Variants in ADAM22 observed in about 807,000 individuals in gnomAD.
ADAM22 encodes the protein disintegrin and metalloproteinase domain-containing protein 22.
In ADAM22, 65 loss-of-function variants were observed where a neutral mutation model predicts 144.6. That is an observed-to-expected ratio of 0.45 (90% confidence interval 0.37 to 0.55). ADAM22 has a LOEUF of 0.55. Among genes scored for constraint, ADAM22 ranks in the 20% least tolerant of loss-of-function variants. The probability of loss-of-function intolerance (pLI) is 0.00; values close to 1 mark genes in which losing one functional copy is unlikely to be tolerated. For missense variants in ADAM22, 974 were observed against 1,184.9 expected (o/e 0.82, Z 2.61); for synonymous variants, 391 against 412.6 (o/e 0.95, Z 0.63).
chr7:88,186,652 G>C lies in ADAM22; in HGVS notation c.2701G>C (p.Ala901Pro). 6.2e-7 allele frequency: 1 copy of C among 1,612,672 alleles called. No homozygotes were observed. The highest frequency in any genetic ancestry group is 8.5e-7 in the Non-Finnish European group (1 of 1,178,748). Residue 901 changes from alanine (A) to proline (P), a missense_variant, in exon 30 of 32, where the codon GCT becomes CCT. By Grantham distance (27) the Ala-to-Pro change is conservative. This residue lies in a region of ADAM22 where 734 missense variants were observed against 950.6 expected (regional missense o/e 0.77). Transcript: ENST00000413139. ...NPWFKRDYNVAKWVEDVNKNT... is the reference protein window; with the variant it reads ...NPWFKRDYNVPKWVEDVNKNT... The stretch of plus-strand genomic sequence containing the variant: ...ATGGTTCAAAAGAGACTATAATGTA[G>C]CTAAGTGGGTAGAAGATGTGAATAA...
chr7:88,073,643 T>G (rs1324577170), intron 3 of ADAM22, among the ~76,000 whole-genome samples: 1 of 152,160 alleles, frequency 6.6e-6, no homozygotes, highest in Non-Finnish European at 1.5e-5. Flanking sequence ...GAGGAAAGAT[T>G]ATTAGGTTGG....
chr7:87,979,257 GA>G (rs1852697376), intron 3 of ADAM22, among the ~76,000 whole-genome samples: 1 of 152,142 alleles, frequency 6.6e-6, no homozygotes, highest in Admixed American at 6.5e-5. Context: ...CAGCTAGATG[GA>G]AGTTAATTTA....
chr7:88,085,877 GTTTTAAAAATAAT>G (rs1295653310), intron 4 of ADAM22, among the ~76,000 whole-genome samples: 1 of 152,080 alleles, frequency 6.6e-6, no homozygotes, highest in African/African-American at 2.4e-5. Flanking sequence ...GGCTGTGTAG[GTTTTAAAAATAAT>G]TTTTGCCTGG....
chr7:88,014,324 C>T lies in ADAM22; in HGVS notation c.323+35912C>T, dbSNP rs144490885. Among the ~76,000 whole-genome samples the T allele has an allele frequency of 2.0e-5, 3 of 152,298 alleles. No homozygotes were observed. In the East Asian group the frequency reaches 5.8e-4, roughly 29 times the overall value. ...CAATATAATGGGCCCGATGCTGCTT[C>T]TATTCTAGGAAGGTTCAACTTTCTC... On this transcript the variant is annotated intron_variant, in intron 3 of 31. Transcript: ENST00000413139.
chr7:88,059,804 C>G (rs1378863671), intron 3 of ADAM22, among the ~76,000 whole-genome samples: 2 of 152,012 alleles, frequency 1.3e-5, no homozygotes, highest in Admixed American at 1.3e-4. Flanking sequence ...TAAGTGAAAG[C>G]TAAACATTGG....
At chr7:88,028,607 G>C (rs2129469011) in intron 3 of ADAM22, among the ~76,000 whole-genome samples, 1 of 151,890 alleles carries the variant, frequency 6.6e-6, no homozygotes, top group Admixed American at 6.6e-5. Flanking sequence ...TATTGTATTG[G>C]GGTCTGTTTC....
At chr7:88,058,532 TCATAGGACATAACAA>T (rs2129476120) in intron 3 of ADAM22, among the ~76,000 whole-genome samples, 1 of 152,326 alleles carries the variant, frequency 6.6e-6, no homozygotes, top group South Asian at 2.1e-4. Context: ...ATACTTACCT[TCATAGGACATAACAA>T]CATATTTTCA....
rs867414179 is a variant in ADAM22 at position 87,979,615 on chromosome 7, C to T, written c.323+1203C>T. Among the ~76,000 whole-genome samples, 4 of 152,000 alleles carry T rather than the reference C, an allele frequency of 2.6e-5. No individual in the cohort carries two copies. The South Asian group carries it at 8.3e-4, about 31-fold the overall frequency. On this transcript the variant is annotated intron_variant, in intron 3 of 31. Coordinates refer to ENST00000413139, the MANE Select transcript of ADAM22 (RefSeq NM_001324418.2). ...TTGATATTTTGATTATTTATTTGGT[C>T]TATAGTCTTTTTCCTACCCCTGCAA...
At chr7:87,963,547 T>C (rs933187057) in intron 2 of ADAM22, among the ~76,000 whole-genome samples, 1 of 152,200 alleles carries the variant, frequency 6.6e-6, no homozygotes, top group Admixed American at 6.5e-5. Context: ...TAACCCAGCA[T>C]GTCAAATGTA....
chr7:87,960,128 A>G (rs1198711144), intron 2 of ADAM22, among the ~76,000 whole-genome samples: 1 of 152,236 alleles, frequency 6.6e-6, no homozygotes, highest in Non-Finnish European at 1.5e-5. Context: ...CATATTTAAT[A>G]AATATTTTAA....
chr7:87,958,253 C>T (rs1007592721), intron 2 of ADAM22, among the ~76,000 whole-genome samples: 2 of 152,096 alleles, frequency 1.3e-5, no homozygotes, highest in Non-Finnish European at 2.9e-5. Context: ...TGTCAATTTC[C>T]CTGTATATTG....
chr7:88,166,040 CAG>C, intron 24 of ADAM22, 94 bp downstream of exon 24: 1 of 778,878 alleles, frequency 1.3e-6, no homozygotes, highest in Non-Finnish European at 2.0e-6. Flanking sequence ...TTATGATAAT[CAG>C]AAATACATTC....
Position 87,934,528 on chromosome 7 carries a change from T to C in ADAM22, c.63T>C (p.Pro21=). 1 of 1,608,748 alleles carries C rather than the reference T, an allele frequency of 6.2e-7. No individual in the cohort carries two copies. Among genetic ancestry groups the C allele is most frequent in the East Asian group, 2.2e-5 (1 of 44,748 alleles). The part of the protein sequence containing the change: ...FLLLCVLGTC[P]PARCGQAGDA... ...TGCTCTGTGTCCTGGGGACCTGCCCTCCGGCGCGCTGCGGCCAGGCAGGTA... is the reference window on the plus strand; with the variant it reads ...TGCTCTGTGTCCTGGGGACCTGCCCCCCGGCGCGCTGCGGCCAGGCAGGTA... The change falls in exon 1 of 32, where the codon CCT becomes CCC. Residue 21 remains proline (P), a synonymous_variant. Coordinates refer to ENST00000413139, the MANE Select transcript of ADAM22 (RefSeq NM_001324418.2).
chr7:88,133,067 C>A, intron 12 of ADAM22, 116 bp downstream of exon 12: 1 of 905,750 alleles, frequency 1.1e-6, no homozygotes, highest in Non-Finnish European at 1.7e-6. Flanking sequence ...TGCTATATTA[C>A]AAATCAGTAT....
intron 2 of ADAM22, among the ~76,000 whole-genome samples, chr7:87,944,894 C>T (rs936761401): frequency 6.4e-5 from 7 of 109,202 alleles, no homozygotes; most frequent in African/African-American, 2.3e-4. Flanking sequence ...TCGGTTCCTC[C>T]TCCTTCCTTC....
intron 2 of ADAM22, among the ~76,000 whole-genome samples, chr7:87,965,406 T>C (rs1475411785): frequency 6.6e-6 from 1 of 152,238 alleles, no homozygotes; most frequent in Non-Finnish European, 1.5e-5. Flanking sequence ...GTCCTATGTT[T>C]AAAGTTTGAA....
intron 4 of ADAM22, among the ~76,000 whole-genome samples, chr7:88,086,953 A>T (rs1307411980): frequency 6.6e-6 from 1 of 152,204 alleles, no homozygotes; most frequent in Non-Finnish European, 1.5e-5. Flanking sequence ...GTATGATGTG[A>T]TAGTCACATA....
At chr7:88,075,380 A>T (rs1814077286) in intron 3 of ADAM22, among the ~76,000 whole-genome samples, 1 of 152,164 alleles carries the variant, frequency 6.6e-6, no homozygotes, top group Non-Finnish European at 1.5e-5. Context: ...GTTCAGCAGA[A>T]TCAGCTGTGC....
At chr7:88,018,468 G>A (rs1797035210) in intron 3 of ADAM22, among the ~76,000 whole-genome samples, 1 of 152,060 alleles carries the variant, frequency 6.6e-6, no homozygotes, top group South Asian at 2.1e-4. Context: ...TACCAAAGTA[G>A]CATTTCACAC....
Sources: allele counts gnomAD v4.1 joint callset (sites outside exome capture counted in the v4.1 genomes callset), GRCh38; gene constraint gnomAD v4.1.1; regional missense constraint gnomAD v4.1.1; transcripts MANE v1.5; gene names NCBI Gene and HGNC (gene_info 2026-07-23, HGNC 2026-07-21).